Variants in SGCD observed in about 807,000 individuals in gnomAD.
SGCD encodes the protein delta-sarcoglycan.
A neutral mutation model predicts 36.6 loss-of-function variants in SGCD; 18 were observed. The ratio of observed to expected loss-of-function variants is 0.49; its 90% CI spans 0.34 to 0.73. The LOEUF (loss-of-function observed/expected upper bound fraction) is 0.73, where lower values mean the gene tolerates loss of function less well. Ranked by LOEUF, SGCD falls within the 30% of genes least tolerant of loss-of-function variation. The pLI, the probability that SGCD is intolerant of heterozygous loss-of-function variation, is 0.01. For synonymous variants in SGCD, 133 were observed against 130.6 expected, an observed-to-expected ratio of 1.02 and a Z score of -0.12; for missense variants, 387 against 346.7, an observed-to-expected ratio of 1.12 and a Z score of -0.92.
intron 3 of SGCD, among the ~76,000 whole-genome samples, chr5:156,365,771 CTA>C (rs147504894): frequency 1.3e-5 from 2 of 151,794 alleles, no homozygotes; most frequent in East Asian, 1.9e-4. Context: ...ACATGTATGT[CTA>C]TATTTCCATG....
chr5:156,716,279 C>G (rs75515089), intron 7 of SGCD, among the ~76,000 whole-genome samples: 2,672 of 152,306 alleles, frequency 0.018, 33 homozygotes, highest in Non-Finnish European at 0.03. Flanking sequence ...CATTATTTTA[C>G]TCAAACCTCA....
At chr5:156,193,546 C>A (rs1422487080) in intron 3 of SGCD, among the ~76,000 whole-genome samples, 2 of 152,120 alleles carry the variant, frequency 1.3e-5, no homozygotes, top group Non-Finnish European at 2.9e-5. Flanking sequence ...ACCCTCCTTA[C>A]GGGCCAGACT....
chr5:156,674,530 C>G (rs1052947179), intron 7 of SGCD, among the ~76,000 whole-genome samples: 1 of 152,112 alleles, frequency 6.6e-6, no homozygotes, highest in Non-Finnish European at 1.5e-5. Flanking sequence ...CCCATAGTCA[C>G]GGACATCCCA....
intron 3 of SGCD, among the ~76,000 whole-genome samples, chr5:156,375,171 C>T (rs766036163): frequency 3.3e-5 from 5 of 152,192 alleles, no homozygotes; most frequent in East Asian, 3.9e-4. Context: ...CCTCTCCTTC[C>T]GATTTTTTCC....
chr5:156,577,491 A>C (rs892274780), intron 4 of SGCD, among the ~76,000 whole-genome samples: 3 of 152,222 alleles, frequency 2.0e-5, no homozygotes, highest in African/African-American at 7.2e-5. Context: ...CATTGAATCT[A>C]TAAACTACCT....
chr5:155,772,883 G>A, the SGCD span, among the ~76,000 whole-genome samples: 24 of 152,100 alleles, frequency 1.6e-4, no homozygotes, highest in Non-Finnish European at 3.1e-4. Flanking sequence ...TTCCGGTAGG[G>A]CAAGTTCATT....
chr5:156,749,475 T>A (rs1757069346), intron 7 of SGCD, among the ~76,000 whole-genome samples: 1 of 152,036 alleles, frequency 6.6e-6, no homozygotes, highest in African/African-American at 2.4e-5. Context: ...GTTAGCTCCT[T>A]GAAAGGACTA....
chr5:155,900,816 T>C (rs891034978), intron 1 of SGCD, among the ~76,000 whole-genome samples: 1 of 152,122 alleles, frequency 6.6e-6, no homozygotes, highest in Non-Finnish European at 1.5e-5. Context: ...TAAAGATTTT[T>C]CCAACTTGAG....
chr5:155,759,238 A>G, the SGCD span, among the ~76,000 whole-genome samples: 4 of 152,264 alleles, frequency 2.6e-5, no homozygotes, highest in Non-Finnish European at 4.4e-5. Flanking sequence ...TGTCGAGCAA[A>G]TGTTTTCAGT....
the SGCD span, among the ~76,000 whole-genome samples, chr5:155,840,293 G>T: frequency 1.3e-5 from 2 of 150,784 alleles, no homozygotes; most frequent in Non-Finnish European, 1.5e-5. Flanking sequence ...TCCCAGGCTG[G>T]AGTGCAGTGG....
intron 3 of SGCD, among the ~76,000 whole-genome samples, chr5:156,185,886 G>GAGAGAGAGAGAGAGAGAGAGAGAGAGAGA (rs1465933664): frequency 5.7e-5 from 1 of 17,580 alleles, no homozygotes; most frequent in Admixed American, 6.1e-4. Context: ...GAGAGAGAGA[G>GAGAGAGAGAGAGAGAGAGAGAGAGAGAGA]GGCCATGTCT....
chr5:156,676,233 G>A (rs1301555868), intron 7 of SGCD, among the ~76,000 whole-genome samples: 1 of 152,070 alleles, frequency 6.6e-6, no homozygotes, highest in African/African-American at 2.4e-5. Flanking sequence ...TTTTCATGTG[G>A]CTTGGGTAGA....
At chr5:156,091,890 G>T (rs1013879973) in intron 1 of SGCD, among the ~76,000 whole-genome samples, 1 of 152,228 alleles carries the variant, frequency 6.6e-6, no homozygotes, top group Non-Finnish European at 1.5e-5. Context: ...CTGCCTAAAG[G>T]CAGGGGGCCA....
intron 1 of SGCD, among the ~76,000 whole-genome samples, chr5:156,037,325 G>C (rs1019473369): frequency 1.3e-5 from 2 of 152,176 alleles, no homozygotes; most frequent in African/African-American, 4.8e-5. Flanking sequence ...GGAACACTGT[G>C]TGTTCAAGGC....
At chr5:156,413,779 C>T (rs1234766885) in intron 3 of SGCD, among the ~76,000 whole-genome samples, 1 of 152,170 alleles carries the variant, frequency 6.6e-6, no homozygotes, top group African/African-American at 2.4e-5. Flanking sequence ...CTAGCGCAGA[C>T]ATTTGAAATG....
intron 1 of SGCD, among the ~76,000 whole-genome samples, chr5:155,937,386 G>C (rs1476935799): frequency 6.6e-6 from 1 of 152,168 alleles, no homozygotes; most frequent in Non-Finnish European, 1.5e-5. Context: ...TCCTCCTAAA[G>C]CCTACTTTCT....
At chr5:155,901,884 CAG>C (rs1275572956) in intron 1 of SGCD, among the ~76,000 whole-genome samples, 1 of 152,174 alleles carries the variant, frequency 6.6e-6, no homozygotes, top group Non-Finnish European at 1.5e-5. Flanking sequence ...AGATCAAGAA[CAG>C]AAATGACAGA....
chr5:156,325,450 C>T (rs1193869188), upstream of SGCD, among the ~76,000 whole-genome samples: 1 of 151,782 alleles, frequency 6.6e-6, no homozygotes. Flanking sequence ...ACAATTCTAC[C>T]AGTAGATTCT....
intron 3 of SGCD, among the ~76,000 whole-genome samples, chr5:156,210,152 A>G (rs983714455): frequency 6.6e-6 from 1 of 152,188 alleles, no homozygotes; most frequent in Non-Finnish European, 1.5e-5. Context: ...CCAACCCCAC[A>G]GACCCAGGTA....
Sources: allele counts gnomAD v4.1 joint callset (sites outside exome capture counted in the v4.1 genomes callset), GRCh38; gene constraint gnomAD v4.1.1; transcripts MANE v1.5; gene names NCBI Gene and HGNC (gene_info 2026-07-23, HGNC 2026-07-21).